Variants in SLC4A4 observed in about 807,000 individuals in gnomAD.
The protein encoded by SLC4A4 is solute carrier family 4 member 4.
In SLC4A4, 27 loss-of-function variants were observed where a neutral mutation model predicts 111.5. That is an observed-to-expected ratio of 0.24 (90% CI 0.18 to 0.33). The LOEUF is 0.33. SLC4A4 is among the 10% of genes least tolerant of loss of function. The pLI is 1.00. For synonymous variants in SLC4A4, 443 were observed against 463.4 expected, an observed-to-expected ratio of 0.96 and a Z score of 0.57; for missense variants, 909 against 1,315.5, an observed-to-expected ratio of 0.69 and a Z score of 4.78.
chr4:71,468,942 A>G (rs1727628872), intron 13 of SLC4A4, among the ~76,000 whole-genome samples: 1 of 151,976 alleles, frequency 6.6e-6, no homozygotes, highest in Non-Finnish European at 1.5e-5. Context: ...TTGTAGGTTC[A>G]CTGGACTCAA....
chr4:71,501,578 T>A (rs1191645266), intron 16 of SLC4A4, among the ~76,000 whole-genome samples: 1 of 151,270 alleles, frequency 6.6e-6, no homozygotes, highest in African/African-American at 2.4e-5. Flanking sequence ...TCTTCTTTTT[T>A]TTTTAGCCTA....
At chr4:71,501,276 A>G (rs1038927154) in intron 16 of SLC4A4, among the ~76,000 whole-genome samples, 1 of 151,968 alleles carries the variant, frequency 6.6e-6, no homozygotes, top group Non-Finnish European at 1.5e-5. Flanking sequence ...TAGAAACACT[A>G]CTGAATTGTA....
At chr4:71,092,441 T>C (rs1441981038) in intron 1 of SLC4A4, among the ~76,000 whole-genome samples, 1 of 152,216 alleles carries the variant, frequency 6.6e-6, no homozygotes, top group African/African-American at 2.4e-5. Flanking sequence ...AGTAGATAAA[T>C]TTATAGAAGT....
intron 20 of SLC4A4, among the ~76,000 whole-genome samples, chr4:71,550,090 T>A (rs2123667): frequency 6.6e-6 from 1 of 151,836 alleles, no homozygotes; most frequent in Admixed American, 6.6e-5. Flanking sequence ...TTACCCCAAG[T>A]AGTCATTGTA....
At chr4:71,544,920 A>T (rs1173181149) in intron 18 of SLC4A4, among the ~76,000 whole-genome samples, 1 of 151,992 alleles carries the variant, frequency 6.6e-6, no homozygotes, top group African/African-American at 2.4e-5. Flanking sequence ...CATGGTACTA[A>T]GTTGGCAGTC....
intron 15 of SLC4A4, among the ~76,000 whole-genome samples, chr4:71,493,362 G>T (rs1730106851): frequency 6.6e-6 from 1 of 151,808 alleles, no homozygotes; most frequent in South Asian, 2.1e-4. Context: ...ATTTAATCTT[G>T]TCCTCCAGAT....
chr4:71,151,154 A>G (rs1236485799), intron 2 of SLC4A4, among the ~76,000 whole-genome samples: 2 of 152,230 alleles, frequency 1.3e-5, no homozygotes, highest in Non-Finnish European at 2.9e-5. Flanking sequence ...AATATTTAGA[A>G]CATTTCCAAC....
chr4:71,459,751 C>T (rs1033519103), intron 12 of SLC4A4, among the ~76,000 whole-genome samples: 5 of 152,020 alleles, frequency 3.3e-5, no homozygotes, highest in Non-Finnish European at 7.4e-5. Context: ...TTCAAATACA[C>T]TACACAAGGC....
At chr4:71,317,328 A>G (rs1726770965) in intron 3 of SLC4A4, among the ~76,000 whole-genome samples, 1 of 152,090 alleles carries the variant, frequency 6.6e-6, no homozygotes, top group Non-Finnish European at 1.5e-5. Flanking sequence ...TCTTAAACAG[A>G]TCTATAACTC....
intron 3 of SLC4A4, among the ~76,000 whole-genome samples, chr4:71,299,225 T>C (rs1725029191): frequency 1.3e-5 from 2 of 152,320 alleles, no homozygotes; most frequent in African/African-American, 4.8e-5. Context: ...GTTTAGGCCA[T>C]AGGAAATAGG....
At chr4:71,405,179 A>T (rs1014861286) in intron 7 of SLC4A4, among the ~76,000 whole-genome samples, 3 of 152,234 alleles carry the variant, frequency 2.0e-5, no homozygotes, top group Admixed American at 6.5e-5. Flanking sequence ...TTAAAACTTT[A>T]GAATTTTCTG....
At chr4:71,522,483 G>A (rs887255918) in intron 16 of SLC4A4, among the ~76,000 whole-genome samples, 1 of 152,222 alleles carries the variant, frequency 6.6e-6, no homozygotes, top group Admixed American at 6.5e-5. Flanking sequence ...CCACAGATTT[G>A]TGGTGGCAAA....
rs1052250159 is a variant in SLC4A4, at chr4:71,321,283, T to G, written c.254-18087T>G. 2.6e-5 allele frequency among the ~76,000 whole-genome samples: 4 copies of G among 152,140 alleles called. No individual in the cohort carries two copies. In the East Asian group the frequency reaches 5.8e-4, roughly 22 times the overall value. On this transcript the variant is annotated intron_variant, in intron 3 of 25. Transcript: ENST00000264485. ...GTCCTAAAAACTTAGCTGATTCAAT[T>G]TTATTATTTACTGAGAATGGATTTA... is the stretch of plus-strand genomic sequence containing the variant.
intron 3 of SLC4A4, among the ~76,000 whole-genome samples, chr4:71,280,579 G>C (rs1282793686): frequency 2.0e-5 from 3 of 152,104 alleles, no homozygotes; most frequent in South Asian, 2.1e-4. Flanking sequence ...GTATAAAATA[G>C]GGGTCCAATT....
In SLC4A4 at chr4:71,510,801, C is replaced by G. The variant is rs141323431; in HGVS notation, c.2166+13109C>G. Among the ~76,000 whole-genome samples, 4 of 152,126 alleles carry G rather than the reference C, an allele frequency of 2.6e-5. No individual in the cohort carries two copies. In the East Asian group the frequency reaches 7.7e-4, roughly 29 times the overall value. ...GTAGATTCTTCGTTCTTTCCTTCCT[C>G]TTTTGTTGTTTTCCTTTGTGATTAG... is the stretch of plus-strand genomic sequence containing the variant. On this transcript the variant is annotated intron_variant, in intron 16 of 25. Transcript: ENST00000264485.
At chr4:71,165,908 G>A (rs1299413303) in intron 2 of SLC4A4, among the ~76,000 whole-genome samples, 1 of 152,058 alleles carries the variant, frequency 6.6e-6, no homozygotes, top group South Asian at 2.1e-4. Flanking sequence ...AGCACATGTA[G>A]TTACTGTTTT....
At chr4:71,345,765 C>G (rs1382752275) in intron 4 of SLC4A4, among the ~76,000 whole-genome samples, 3 of 152,020 alleles carry the variant, frequency 2.0e-5, no homozygotes, top group African/African-American at 7.2e-5. Context: ...TTGGGAAATT[C>G]TATTTCAGGC....
chr4:71,447,098 C>T (rs1026495534), intron 8 of SLC4A4, among the ~76,000 whole-genome samples: 5 of 152,230 alleles, frequency 3.3e-5, no homozygotes, highest in Non-Finnish European at 5.9e-5. Flanking sequence ...TCATATTTCT[C>T]TTCCCTTACT....
chr4:71,181,939 T>C (rs1171911660), intron 2 of SLC4A4, among the ~76,000 whole-genome samples: 2 of 152,232 alleles, frequency 1.3e-5, no homozygotes, highest in Non-Finnish European at 2.9e-5. Flanking sequence ...AGTGCTGTTA[T>C]CATTACAGAA....
Sources: gnomAD v4.1 joint callset for allele counts (sites outside exome capture counted in the v4.1 genomes callset) on GRCh38, gnomAD v4.1.1 for gene constraint, MANE v1.5 for transcripts, NCBI Gene and HGNC (gene_info 2026-07-23, HGNC 2026-07-21) for gene names.